Variants in DAB1 observed in about 807,000 individuals in gnomAD.
DAB1 encodes DAB adaptor protein 1, also known as disabled homolog 1.
Under a neutral mutation model 64.6 loss-of-function variants are expected in DAB1, and 15 were observed. That is an observed-to-expected ratio of 0.23 (90% CI 0.16 to 0.36). The LOEUF (loss-of-function observed/expected upper bound fraction) is 0.36, where lower values mean the gene tolerates loss of function less well. Among genes scored for constraint, DAB1 ranks in the 10% least tolerant of loss-of-function variants. The pLI, the probability that DAB1 is intolerant of heterozygous loss-of-function variation, is 1.00. For missense variants in DAB1, 596 were observed against 706.7 expected (o/e 0.84, Z 1.78); for synonymous variants, 235 against 251.9 (o/e 0.93, Z 0.64).
At chr1:57,211,968 C>T (rs761062994) in intron 2 of DAB1, among the ~76,000 whole-genome samples, 2 of 152,096 alleles carry the variant, frequency 1.3e-5, no homozygotes, top group Non-Finnish European at 2.9e-5. Flanking sequence ...GGAACCAATC[C>T]CCCAAAGATA....
chr1:57,574,083 T>C (rs1164475784), intron 7 of DAB1, among the ~76,000 whole-genome samples: 1 of 152,198 alleles, frequency 6.6e-6, no homozygotes, highest in Non-Finnish European at 1.5e-5. Flanking sequence ...CAGAAGTCCA[T>C]ATTGCAATAT....
At chr1:57,064,138 A>C (rs913889040) in intron 8 of DAB1, among the ~76,000 whole-genome samples, 1 of 152,206 alleles carries the variant, frequency 6.6e-6, no homozygotes. Flanking sequence ...AGCTAACTAC[A>C]CCATTGTTCT....
At chr1:58,126,286 T>C (rs1255912417) in intron 5 of DAB1, among the ~76,000 whole-genome samples, 4 of 151,958 alleles carry the variant, frequency 2.6e-5, no homozygotes, top group African/African-American at 9.7e-5. Context: ...CCTCAATACT[T>C]CTCGGCCTCC....
At chr1:58,180,121 G>A (rs1656694137) in intron 4 of DAB1, among the ~76,000 whole-genome samples, 1 of 151,566 alleles carries the variant, frequency 6.6e-6, no homozygotes, top group Admixed American at 6.6e-5. Context: ...TTTGCTATCT[G>A]TAAGGGATCC....
chr1:57,242,785 C>T (rs746664958), intron 2 of DAB1, among the ~76,000 whole-genome samples: 6 of 152,124 alleles, frequency 3.9e-5, no homozygotes, highest in Non-Finnish European at 8.8e-5. Context: ...AATGTTTAAA[C>T]CTGCTTTTCA....
intron 1 of DAB1, among the ~76,000 whole-genome samples, chr1:57,331,178 C>G (rs985688976): frequency 2.6e-5 from 4 of 152,134 alleles, no homozygotes; most frequent in Non-Finnish European, 5.9e-5. Flanking sequence ...CAAATGCTAG[C>G]AAAGAAACTG....
chr1:57,424,339 G>A (rs1685174665), upstream of DAB1, among the ~76,000 whole-genome samples: 1 of 151,550 alleles, frequency 6.6e-6, no homozygotes, highest in Non-Finnish European at 1.5e-5. Flanking sequence ...AAGAACGAGC[G>A]AGCGAGCGAG....
chr1:58,307,983 C>A (rs1017452105), intron 4 of DAB1, among the ~76,000 whole-genome samples: 1 of 151,910 alleles, frequency 6.6e-6, no homozygotes, highest in Non-Finnish European at 1.5e-5. Context: ...GGCACTGGAG[C>A]GAGAGACCTT....
intron 5 of DAB1, among the ~76,000 whole-genome samples, chr1:58,038,639 T>C (rs187226765): frequency 6.6e-5 from 10 of 151,752 alleles, no homozygotes; most frequent in African/African-American, 2.4e-4. Context: ...CCTGATGGGG[T>C]GTTATTGGGG....
At position 57,586,732 on chromosome 1, in the gene DAB1, T is replaced by C. The variant is rs541107945; in HGVS notation, n.625+62860A>G. On this transcript the variant is annotated intron_variant and non_coding_transcript_variant, in intron 7 of 20. Transcript: ENST00000485760. ...CATTTTTTCCTACTTCCATTATCCA[T>C]TGACCTGTTCCTGTTCCTCTCTTCC... Among the ~76,000 whole-genome samples, 5 of 152,022 alleles carry C rather than the reference T, an allele frequency of 3.3e-5. No homozygotes were observed. In the East Asian group the frequency reaches 9.7e-4, roughly 30 times the overall value.
intron 7 of DAB1, among the ~76,000 whole-genome samples, chr1:57,518,810 A>C (rs952651692): frequency 6.6e-6 from 1 of 152,210 alleles, no homozygotes; most frequent in East Asian, 1.9e-4. Context: ...TGGCTTGGGA[A>C]GCCTGCCTGC....
At chr1:57,071,192 T>C in intron 6 of DAB1, 131 bp from the exon 7 acceptor site, 1 of 894,482 alleles carries the variant, frequency 1.1e-6, no homozygotes, top group Non-Finnish European at 1.7e-6. Context: ...GCCATCAAGG[T>C]AGAAAAAACA....
intron 2 of DAB1, among the ~76,000 whole-genome samples, chr1:57,226,478 C>T (rs1667263152): frequency 6.6e-6 from 1 of 151,994 alleles, no homozygotes; most frequent in Admixed American, 6.6e-5. Flanking sequence ...GCTCCATAGG[C>T]TCTATCTTTA....
chr1:57,006,306 G>C (rs1209217963), intron 14 of DAB1, among the ~76,000 whole-genome samples: 1 of 152,104 alleles, frequency 6.6e-6, no homozygotes, highest in Non-Finnish European at 1.5e-5. Flanking sequence ...AGTCTCATGG[G>C]CACCTTGAGT....
At chr1:58,059,334 C>A (rs2100547270) in intron 5 of DAB1, among the ~76,000 whole-genome samples, 1 of 152,294 alleles carries the variant, frequency 6.6e-6, no homozygotes, top group East Asian at 1.9e-4. Flanking sequence ...GTTTCTTCAT[C>A]CATAAAATGG....
At chr1:58,391,484 G>C (rs78764689) in intron 3 of DAB1, among the ~76,000 whole-genome samples, 2,273 of 152,314 alleles carry the variant, frequency 0.015, 49 homozygotes, top group African/African-American at 0.051. Context: ...AGGCCATGGA[G>C]CTAAGAAGGG....
chr1:57,590,051 T>C (rs1363392137), intron 7 of DAB1, among the ~76,000 whole-genome samples: 1 of 152,050 alleles, frequency 6.6e-6, no homozygotes, highest in Non-Finnish European at 1.5e-5. Flanking sequence ...TAACCCAGAC[T>C]AAGTGGGTTA....
chr1:57,265,948 G>T (rs772667653), intron 2 of DAB1, among the ~76,000 whole-genome samples: 1 of 152,174 alleles, frequency 6.6e-6, no homozygotes, highest in Non-Finnish European at 1.5e-5. Flanking sequence ...CAGCTCCTCT[G>T]CTTGATGCCA....
intron 4 of DAB1, among the ~76,000 whole-genome samples, chr1:58,281,122 A>G (rs558494602): frequency 6.6e-6 from 1 of 152,344 alleles, no homozygotes; most frequent in Admixed American, 6.5e-5. Flanking sequence ...AGCACGAAGG[A>G]CAGTAATGAT....
Sources: allele counts gnomAD v4.1 joint callset (sites outside exome capture counted in the v4.1 genomes callset), GRCh38; gene constraint gnomAD v4.1.1; transcripts MANE v1.5; gene names NCBI Gene and HGNC (gene_info 2026-07-23, HGNC 2026-07-21).